APLP2: variants seen among roughly 807,000 people sequenced by gnomAD.
APLP2 encodes the protein amyloid beta precursor like protein 2.
In APLP2, 53 loss-of-function variants were observed where a neutral mutation model predicts 89.9. The observed-to-expected ratio is 0.59, with a 90% CI of 0.47 to 0.74. APLP2 has a LOEUF of 0.74. Among genes scored for constraint, APLP2 ranks in the 30% least tolerant of loss-of-function variants. The pLI, the probability that APLP2 is intolerant of heterozygous loss-of-function variation, is 0.00. For missense variants in APLP2, 973 were observed against 975.9 expected (o/e 1.00, Z 0.04); for synonymous variants, 372 against 348.6 (o/e 1.07, Z -0.75).
At chr11:130,107,836 A>C (rs1947999052) in intron 1 of APLP2, among the ~76,000 whole-genome samples, 3 of 152,256 alleles carry the variant, frequency 2.0e-5, no homozygotes, top group African/African-American at 7.2e-5. Context: ...TACAGTAAGC[A>C]AAACAGCATG....
Position 130,110,608 on chromosome 11 carries a change from G to A in APLP2, c.350G>A (p.Arg117Gln), listed in dbSNP as rs763769514. 2.2e-5 allele frequency: 35 copies of A among 1,613,700 alleles called. No individual in the cohort carries two copies. Among genetic ancestry groups the A allele is most frequent in the South Asian group, 5.5e-5 (5 of 91,072 alleles). Residue 117 changes from arginine to glutamine, a missense_variant, in exon 3 of 17, where the codon CGG becomes CAG. Physicochemically the swap from Arg to Gln is conservative, Grantham distance 43. Coordinates refer to ENST00000338167, the MANE Select transcript of APLP2 (RefSeq NM_001142276.2). The part of the protein sequence containing the change: ...NQRVSIDNWC[R>Q]RDKKQCKSRF... Reference sequence around the variant, plus strand: ...CGGGTTAGTATTGACAACTGGTGCCGGAGGGACAAAAAGCAATGCAAGAGT... The same window carrying A: ...CGGGTTAGTATTGACAACTGGTGCCAGAGGGACAAAAAGCAATGCAAGAGT...
At chr11:130,104,248 G>C (rs1947349107) in intron 1 of APLP2, among the ~76,000 whole-genome samples, 1 of 104,204 alleles carries the variant, frequency 9.6e-6, no homozygotes, top group Non-Finnish European at 1.7e-5. Context: ...CAGATTCTCT[G>C]TCTCTGTTGC....
In APLP2 at chr11:130,069,919, A is replaced by G. The variant is rs573006656; in HGVS notation, c.-59A>G. Reference sequence around the variant, plus strand: ...AGATGCTTCTGGGTCGCGGTGTGCTAAGCGAGGAGTCCGAGTGTGTGAGCT... The same window carrying G: ...AGATGCTTCTGGGTCGCGGTGTGCTGAGCGAGGAGTCCGAGTGTGTGAGCT... On this transcript the variant is annotated 5_prime_UTR_variant, in exon 1 of 17. Coordinates refer to ENST00000338167, the MANE Select transcript of APLP2 (RefSeq NM_001142276.2). 22 of 1,308,136 alleles carry G rather than the reference A, an allele frequency of 1.7e-5. No homozygotes were observed. The highest frequency in any genetic ancestry group is 6.5e-5 in the South Asian group (5 of 77,156). The allele number at this position is 1,308,136 out of a possible 1,614,324, so 81.0% of individuals were successfully genotyped here.
chr11:130,106,039 C>T (rs1947701956), intron 1 of APLP2, among the ~76,000 whole-genome samples: 1 of 152,158 alleles, frequency 6.6e-6, no homozygotes, highest in Non-Finnish European at 1.5e-5. Flanking sequence ...CTGCAGGAGC[C>T]TTGCTGTTGT....
chr11:130,126,712 C>G lies in APLP2; in HGVS notation c.1103C>G (p.Pro368Arg), dbSNP rs988672168. The change falls in exon 8 of 17, where the codon CCT becomes CGT. Residue 368 changes from proline (P) to arginine (R), a missense_variant. Pro to Arg is a moderately radical substitution (Grantham distance 103, BLOSUM62 -2). Transcript: ENST00000338167. ...AATTTTGTTTCAGTTCCTCCAACTC[C>G]TCTGCCAACCAATGATGTTGATGTG... ...AVCKAMIPPTPLPTNDVDVYF... is the reference protein window; with the variant it reads ...AVCKAMIPPTRLPTNDVDVYF... The G allele has an allele frequency of 1.9e-5, 31 of 1,613,892 alleles. No individual in the cohort carries two copies. The highest frequency in any genetic ancestry group is 2.7e-5 in the African/African-American group (2 of 74,928).
At position 130,123,646 on chromosome 11, in the gene APLP2, C is replaced by G; in HGVS notation, c.957C>G (p.Cys319Trp). The change falls in exon 7 of 17, where the codon TGC becomes TGG. Residue 319 changes from cysteine (C) to tryptophan (W), a missense_variant. Cys to Trp is a radical substitution (Grantham distance 215). Coordinates refer to ENST00000338167, the MANE Select transcript of APLP2 (RefSeq NM_001142276.2). The surrounding 1 kb of genome is among the most constrained non-coding windows in gnomAD (Gnocchi z 4.0). ...CCCAGGAGGCGATGACGGGGCCCTGCCGGGCCGTGATGCCTCGTTGGTACT... is the reference window on the plus strand; with the variant it reads ...CCCAGGAGGCGATGACGGGGCCCTGGCGGGCCGTGATGCCTCGTTGGTACT... The part of the protein sequence containing the change: ...VCSQEAMTGP[C>W]RAVMPRWYFD... 2 of 1,614,180 alleles carry G rather than the reference C, an allele frequency of 1.2e-6. No homozygotes were observed. The highest frequency in any genetic ancestry group is 1.7e-6 in the Non-Finnish European group (2 of 1,179,998).
At position 130,072,785 on chromosome 11, in the gene APLP2, T is replaced by G. The variant is rs73041225; in HGVS notation, c.105+2703T>G. Among the ~76,000 whole-genome samples, 486 of 152,296 alleles carry G rather than the reference T, an allele frequency of 3.2e-3. 2 individuals are homozygous for G. Among genetic ancestry groups the G allele is most frequent in the Admixed American group, 6.7e-3 (102 of 15,294 alleles). On this transcript the variant is annotated intron_variant, in intron 1 of 16. Coordinates refer to ENST00000338167, the MANE Select transcript of APLP2 (RefSeq NM_001142276.2). ...AGCCACAGCGCCCGGCCCGTTATTT[T>G]TATCATAACTATGTTTTAAAAATCT...
intron 9 of APLP2, 69 bp from the exon 10 acceptor site, chr11:130,128,979 C>T: frequency 6.5e-7 from 1 of 1,541,026 alleles, no homozygotes; most frequent in Middle Eastern, 2.0e-4. Flanking sequence ...GCACTGGGGT[C>T]TCAGGGTGCT....
At chr11:130,127,405 T>C (rs1056317256) in intron 8 of APLP2, among the ~76,000 whole-genome samples, 3 of 152,206 alleles carry the variant, frequency 2.0e-5, no homozygotes, top group Non-Finnish European at 2.9e-5. Context: ...CCACCCCAAA[T>C]CCCACACAGT....
chr11:130,082,719 C>T, intron 1 of APLP2: 1 of 217,238 alleles, frequency 4.6e-6, no homozygotes, highest in Non-Finnish European at 9.5e-6. Context: ...GGTGTTGGTG[C>T]ATTTGGGACA....
Position 130,141,393 on chromosome 11 carries a change from C to T in APLP2, c.1924-105C>T. On this transcript the variant is annotated intron_variant, in intron 14 of 16. Coordinates refer to ENST00000338167, the MANE Select transcript of APLP2 (RefSeq NM_001142276.2). The surrounding 1 kb of genome is among the most constrained non-coding windows in gnomAD (Gnocchi z 4.2). Reference sequence around the variant, plus strand: ...TGGTTAATGGGGGTCCCACAGGTACCTGCTTCCTTCCATCAAGCAGCAGGT... The same window carrying T: ...TGGTTAATGGGGGTCCCACAGGTACTTGCTTCCTTCCATCAAGCAGCAGGT... 4.3e-6 allele frequency: 4 copies of T among 936,220 alleles called. No individual in the cohort carries two copies. Among genetic ancestry groups the T allele is most frequent in the Non-Finnish European group, 6.8e-6 (4 of 590,330 alleles). The allele number at this position is 936,220 out of a possible 1,614,324, so 58.0% of individuals were successfully genotyped here.
chr11:130,076,821 G>A (rs1306968070), intron 1 of APLP2, among the ~76,000 whole-genome samples: 1 of 152,124 alleles, frequency 6.6e-6, no homozygotes, highest in African/African-American at 2.4e-5. Flanking sequence ...AAGCCCACCA[G>A]CATAAGACCC....
At chr11:130,133,110 G>A (rs572923145) in intron 11 of APLP2, among the ~76,000 whole-genome samples, 1 of 151,896 alleles carries the variant, frequency 6.6e-6, no homozygotes, top group South Asian at 2.1e-4. Flanking sequence ...ATGTCAGCTG[G>A]GGGAATTATA....
At chr11:130,122,644 C>T (rs1949954930) in intron 6 of APLP2, 131 bp downstream of exon 6, 5 of 1,461,952 alleles carry the variant, frequency 3.4e-6, no homozygotes, top group Non-Finnish European at 2.8e-6. Flanking sequence ...AAGGTGAGTT[C>T]AGCTCTCCAG....
chr11:130,075,195 G>T (rs151076253), intron 1 of APLP2, among the ~76,000 whole-genome samples: 1 of 152,220 alleles, frequency 6.6e-6, no homozygotes, highest in East Asian at 1.9e-4. Flanking sequence ...TCTTACCAAG[G>T]CTGGAGTGCA....
intron 1 of APLP2, among the ~76,000 whole-genome samples, chr11:130,072,968 T>G (rs1007824007): frequency 2.6e-5 from 4 of 152,154 alleles, no homozygotes; most frequent in Non-Finnish European, 5.9e-5. Context: ...AGGAGTGAAT[T>G]TTTCATTTTA....
intron 3 of APLP2, among the ~76,000 whole-genome samples, chr11:130,117,866 A>G (rs1279329543): frequency 6.6e-6 from 1 of 152,170 alleles, no homozygotes; most frequent in Non-Finnish European, 1.5e-5. Context: ...CAAGGTCAGT[A>G]GATCGAGACC....
intron 1 of APLP2, among the ~76,000 whole-genome samples, chr11:130,075,737 C>A (rs12420817): frequency 0.11 from 17,032 of 152,170 alleles, 1,236 homozygotes; most frequent in East Asian, 0.25. Context: ...TGAACATCAC[C>A]CAGCTCGACC....
intron 1 of APLP2, among the ~76,000 whole-genome samples, chr11:130,086,068 C>T (rs1565555446): frequency 1.3e-5 from 2 of 152,192 alleles, no homozygotes; most frequent in Non-Finnish European, 2.9e-5. Context: ...AGAAGTGAAA[C>T]TGCTGGATCA....
Sources: gnomAD v4.1 joint callset for allele counts (sites outside exome capture counted in the v4.1 genomes callset) on GRCh38, gnomAD v4.1.1 for gene constraint, Gnocchi (gnomAD v3.1) non-coding constraint, MANE v1.5 for transcripts, NCBI Gene and HGNC (gene_info 2026-07-23, HGNC 2026-07-21) for gene names.